Variants in LECT2 observed in about 807,000 individuals in gnomAD.
LECT2 encodes the protein leukocyte cell-derived chemotaxin-2.
Under a neutral mutation model 16.6 loss-of-function variants are expected in LECT2, and 11 were observed. The observed-to-expected ratio is 0.66, with a 90% CI of 0.42 to 1.09. The LOEUF (loss-of-function observed/expected upper bound fraction) is 1.09, where lower values mean the gene tolerates loss of function less well. Ranked by LOEUF, LECT2 falls within the 50% of genes least tolerant of loss-of-function variation. The pLI is 0.00. For synonymous variants in LECT2, 54 were observed against 64.8 expected, an observed-to-expected ratio of 0.83 and a Z score of 0.80; for missense variants, 173 against 184.2, an observed-to-expected ratio of 0.94 and a Z score of 0.35.
chr5:135,948,173 G>A (rs1352845990), intron 3 of LECT2, among the ~76,000 whole-genome samples: 3 of 152,194 alleles, frequency 2.0e-5, no homozygotes, highest in Non-Finnish European at 2.9e-5. Flanking sequence ...TGGAAATCAG[G>A]CCAAAAGGCA....
Position 135,954,836 on chromosome 5 carries a change from G to T in LECT2, c.-3C>A. ...AGGAGGGCTTTGGTGGAAAACATCT[G>T]GTTTTACTTCCTTTAGTTTCTTCCT... On this transcript the variant is annotated 5_prime_UTR_variant, in exon 1 of 4. Coordinates refer to ENST00000274507, the MANE Select transcript of LECT2 (RefSeq NM_002302.3). 6.8e-6 allele frequency: 11 copies of T among 1,611,110 alleles called. No individual in the cohort carries two copies. Among genetic ancestry groups the T allele is most frequent in the Non-Finnish European group, 9.3e-6 (11 of 1,177,406 alleles).
In LECT2 at chr5:135,952,962, C is replaced by A. The variant is rs925897567; in HGVS notation, c.52G>T (p.Ala18Ser). 6 of 1,612,488 alleles carry A rather than the reference C, an allele frequency of 3.7e-6. No homozygotes were observed. Among genetic ancestry groups the A allele is most frequent in the Non-Finnish European group, 4.2e-6 (5 of 1,178,604 alleles). ...GCACATATATTAGCCCATGGCCCTG[C>A]CAGTGCTAAAAAGGAGAAAAGTGAG... Reference protein sequence around the residue: ...LLAGLISTALAGPWANICAGK... With the variant: ...LLAGLISTALSGPWANICAGK... Residue 18 changes from alanine to serine, a missense_variant, in exon 2 of 4, where the codon GCA becomes TCA. Ala to Ser is a moderately conservative substitution (Grantham distance 99). Coordinates refer to ENST00000274507, the MANE Select transcript of LECT2 (RefSeq NM_002302.3).
In LECT2 at chr5:135,951,296, T is replaced by A. The variant is rs201408239; in HGVS notation, c.216A>T (p.Gly72=). ...AGSTVYAPFT[G]MIVGQEKPYQ... is the part of the protein sequence containing the mutation. ...AAGGTTTCTCCTGGCCCACAATCAT[T>A]CCAGTGAATGGTGCGTACACAGTAG... is the stretch of plus-strand genomic sequence containing the variant. The change falls in exon 3 of 4, where the codon GGA becomes GGT. Residue 72 remains glycine (G), a synonymous_variant. Transcript: ENST00000274507. 10 of 1,613,984 alleles carry A rather than the reference T, an allele frequency of 6.2e-6. No individual in the cohort carries two copies. Among genetic ancestry groups the A allele is most frequent in the Non-Finnish European group, 8.5e-6 (10 of 1,179,850 alleles).
chr5:135,953,147 T>C (rs765588747), intron 1 of LECT2, 180 bp from the exon 2 acceptor site: 2 of 562,984 alleles, frequency 3.6e-6, no homozygotes, highest in Non-Finnish European at 6.3e-6. Context: ...AGATGTAAAA[T>C]TGGCTTTTTC....
At chr5:135,951,395 C>CT (rs1561585556) in intron 2 of LECT2, 27 bp from the exon 3 acceptor site, 1 of 1,605,458 alleles carries the variant, frequency 6.2e-7, no homozygotes, top group Admixed American at 1.7e-5. Context: ...AACGAACAGA[C>CT]TGAGGAACTG....
At chr5:135,951,569 T>C (rs1203043218) in intron 2 of LECT2, 3 of 496,856 alleles carry the variant, frequency 6.0e-6, no homozygotes, top group Non-Finnish European at 1.1e-5. Context: ...AACCATATCA[T>C]AAAGATGAAA....
At chr5:135,954,028 T>G (rs1377633467) in intron 1 of LECT2, among the ~76,000 whole-genome samples, 3 of 152,246 alleles carry the variant, frequency 2.0e-5, no homozygotes, top group African/African-American at 7.2e-5. Context: ...TTAAATGTCC[T>G]GGATTTCCAG....
rs1275789701 is a variant in LECT2 at position 135,947,379 on chromosome 5, A to T, written c.408T>A (p.His136Gln). 13 of 1,613,980 alleles carry T rather than the reference A, an allele frequency of 8.1e-6. No individual in the cohort carries two copies. The African/African-American group carries it at 1.1e-4, about 13-fold the overall frequency. ...LQKVYPGIQS[H>Q]VHIENCDSSD... ...TCGAGTCACAGTTTTCAATGTGCAC[A>T]TGCGATTGTATGCCAGGATAAACTT... The change falls in exon 4 of 4, where the codon CAT becomes CAA. Residue 136 changes from histidine (H) to glutamine (Q), a missense_variant. Coordinates refer to ENST00000274507, the MANE Select transcript of LECT2 (RefSeq NM_002302.3).
intron 1 of LECT2, chr5:135,953,189 G>C: frequency 2.0e-6 from 1 of 495,992 alleles, no homozygotes; most frequent in African/African-American, 2.0e-5. Flanking sequence ...TGTGACGTTA[G>C]AGTATCAGTG....
chr5:135,952,555 A>C (rs920527822), intron 2 of LECT2, among the ~76,000 whole-genome samples: 2 of 152,212 alleles, frequency 1.3e-5, no homozygotes, highest in Non-Finnish European at 2.9e-5. Context: ...CTCTTCTATA[A>C]AATGGGATAG....
At chr5:135,953,377 T>A (rs527435362) in intron 1 of LECT2, among the ~76,000 whole-genome samples, 18 of 152,230 alleles carry the variant, frequency 1.2e-4, no homozygotes, top group Admixed American at 9.8e-4. Flanking sequence ...AATTTTTGTA[T>A]TTTTAGTAGA....
intron 3 of LECT2, 25 bp downstream of exon 3, chr5:135,951,198 C>G: frequency 1.2e-6 from 2 of 1,606,940 alleles, no homozygotes; most frequent in East Asian, 2.2e-5. Flanking sequence ...GGAGGCACCC[C>G]AGGTGTAGAC....
intron 1 of LECT2, 88 bp downstream of exon 1, chr5:135,954,700 T>C: frequency 1.1e-6 from 1 of 892,460 alleles, no homozygotes; most frequent in South Asian, 1.4e-5. Context: ...GTGATCATGC[T>C]ATTAATGACT....
chr5:135,954,368 C>CTT (rs1368451126), intron 1 of LECT2, among the ~76,000 whole-genome samples: 1 of 152,232 alleles, frequency 6.6e-6, no homozygotes, highest in Non-Finnish European at 1.5e-5. Flanking sequence ...AATTTATTCA[C>CTT]TTTTTCCTCC....
Position 135,954,780 on chromosome 5 carries a change from C to T in LECT2, c.46+8G>A, listed in dbSNP as rs191015900. 3.0e-4 allele frequency: 477 copies of T among 1,608,440 alleles called. 1 individual carries two copies. Among genetic ancestry groups the T allele is most frequent in the South Asian group, 6.8e-4 (62 of 90,832 alleles). The stretch of plus-strand genomic sequence containing the variant: ...AATCAATATTCTAAAATTGCACTTT[C>T]GACTTACCGGTAGAAATCAGACCAG... On this transcript the variant is annotated splice_region_variant and intron_variant, in intron 1 of 3. Coordinates refer to ENST00000274507, the MANE Select transcript of LECT2 (RefSeq NM_002302.3).
chr5:135,952,959 C>T lies in LECT2; in HGVS notation c.55G>A (p.Gly19Arg). The change falls in exon 2 of 4, where the codon GGG becomes AGG. Residue 19 changes from glycine (G) to arginine (R), a missense_variant. Transcript: ENST00000274507. The stretch of plus-strand genomic sequence containing the variant: ...CCAGCACATATATTAGCCCATGGCC[C>T]TGCCAGTGCTAAAAAGGAGAAAAGT... Reference protein sequence around the residue: ...LAGLISTALAGPWANICAGKS... With the variant: ...LAGLISTALARPWANICAGKS... 1 of 1,612,780 alleles carries T rather than the reference C, an allele frequency of 6.2e-7. No homozygotes were observed. Among genetic ancestry groups the T allele is most frequent in the Non-Finnish European group, 8.5e-7 (1 of 1,178,728 alleles).
intron 3 of LECT2, among the ~76,000 whole-genome samples, chr5:135,949,074 A>G (rs1417371161): frequency 6.6e-6 from 1 of 152,210 alleles, no homozygotes; most frequent in East Asian, 1.9e-4. Context: ...ACGAATAAAT[A>G]TTAAACAAAA....
chr5:135,951,149 A>G lies in LECT2; in HGVS notation c.289+74T>C, dbSNP rs1029719094. The G allele has an allele frequency of 8.6e-6, 12 of 1,396,512 alleles. No homozygotes were observed. In the Middle Eastern group the frequency reaches 7.1e-4, roughly 82 times the overall value. 86.5% of individuals were successfully genotyped at this position (1,396,512 alleles called of 1,614,324 possible). A position where few individuals can be genotyped will look rare whatever the true frequency, so the allele number is the denominator to read the frequency against. ...TGAAAGAAGTACAAAATCTCTACGT[A>G]TGGAACCTGCATTAAATAAATGAGC... is the stretch of plus-strand genomic sequence containing the variant. On this transcript the variant is annotated intron_variant, in intron 3 of 3. Transcript: ENST00000274507.
intron 3 of LECT2, among the ~76,000 whole-genome samples, chr5:135,950,445 CTAAG>C (rs1470743340): frequency 2.6e-5 from 4 of 152,252 alleles, no homozygotes; most frequent in African/African-American, 9.6e-5. Flanking sequence ...GGAATAATGA[CTAAG>C]TGGTAGCACA....
Sources: allele counts gnomAD v4.1 joint callset (sites outside exome capture counted in the v4.1 genomes callset), GRCh38; gene constraint gnomAD v4.1.1; transcripts MANE v1.5; gene names NCBI Gene and HGNC (gene_info 2026-07-23, HGNC 2026-07-21).